Variants in HIF1A observed in about 807,000 individuals in gnomAD.
HIF1A encodes hypoxia inducible factor 1 subunit alpha.
In HIF1A, 24 loss-of-function variants were observed where a neutral mutation model predicts 92.7. That is an observed-to-expected ratio of 0.26 (90% CI 0.19 to 0.36). HIF1A has a LOEUF of 0.36. Ranked by LOEUF, HIF1A falls within the 10% of genes least tolerant of loss-of-function variation. HIF1A has a pLI of 1.00. For missense variants in HIF1A, 799 were observed against 998.5 expected (o/e 0.80, Z 2.69); for synonymous variants, 319 against 338.7 (o/e 0.94, Z 0.64).
intron 1 of HIF1A, among the ~76,000 whole-genome samples, chr14:61,716,140 G>C (rs1271668222): frequency 1.3e-5 from 2 of 152,108 alleles, no homozygotes; most frequent in Non-Finnish European, 2.9e-5. Flanking sequence ...TCACCTATCA[G>C]CTCAGCAGAA....
At chr14:61,744,478 A>G (rs1594889581) in intron 12 of HIF1A, among the ~76,000 whole-genome samples, 1 of 148,034 alleles carries the variant, frequency 6.8e-6, no homozygotes, top group Non-Finnish European at 1.5e-5. Flanking sequence ...ACGTCTCTGC[A>G]CTCCAGCCTG....
chr14:61,699,829 T>C (rs904626921), intron 1 of HIF1A, among the ~76,000 whole-genome samples: 3 of 152,188 alleles, frequency 2.0e-5, no homozygotes, highest in African/African-American at 7.2e-5. Context: ...CAAGCCAAGC[T>C]TCTTGTTGCT....
chr14:61,745,660 A>G lies in HIF1A; in HGVS notation c.2203-31A>G, dbSNP rs776154656. 3 of 1,593,502 alleles carry G rather than the reference A, an allele frequency of 1.9e-6. No individual in the cohort carries two copies. The South Asian group carries it at 3.4e-5, about 18-fold the overall frequency. On this transcript the variant is annotated intron_variant, in intron 13 of 14. Transcript: ENST00000337138. ...GTTGTTTAAAAAAAAAATTCAACAA[A>G]CTAAACTTGAAATAACTTTACTGTT...
intron 14 of HIF1A, among the ~76,000 whole-genome samples, 161 bp downstream of exon 14, chr14:61,745,978 C>CT (rs1173318495): frequency 2.6e-5 from 4 of 152,074 alleles, no homozygotes; most frequent in Non-Finnish European, 4.4e-5. Context: ...AATCCCAGCA[C>CT]TTTGGGAGGC....
In HIF1A at chr14:61,702,390, A is replaced by G. The variant is rs111320402; in HGVS notation, c.35+6551A>G. 5.5e-3 allele frequency among the ~76,000 whole-genome samples: 827 copies of G among 151,394 alleles called. 6 individuals carry two copies. Among genetic ancestry groups the G allele is most frequent in the African/African-American group, 0.017 (714 of 41,246 alleles). On this transcript the variant is annotated intron_variant, in intron 1 of 14. Coordinates refer to ENST00000337138, the MANE Select transcript of HIF1A (RefSeq NM_001530.4). ...GGGAAGCAGAGGTTGCAGTGAGCCA[A>G]GATCGCGCCACTGCACTCCAGCCTG...
At chr14:61,741,235 G>C (rs2044707480) in intron 12 of HIF1A, 47 bp downstream of exon 12, 1 of 1,330,110 alleles carries the variant, frequency 7.5e-7, no homozygotes, top group Admixed American at 2.2e-5. Context: ...TTATTTTTGA[G>C]ATAAATGTAT....
chr14:61,702,847 A>G (rs553991998), intron 1 of HIF1A, among the ~76,000 whole-genome samples: 11 of 152,346 alleles, frequency 7.2e-5, no homozygotes, highest in South Asian at 6.2e-4. Context: ...TTACATCTGT[A>G]TGTTAATAAC....
intron 10 of HIF1A, among the ~76,000 whole-genome samples, chr14:61,738,903 A>C (rs945701766): frequency 2.0e-5 from 3 of 151,896 alleles, no homozygotes; most frequent in African/African-American, 7.3e-5. Context: ...TGCCTGGCTA[A>C]TTTTTTAACC....
chr14:61,702,155 C>A (rs913005153), intron 1 of HIF1A, among the ~76,000 whole-genome samples: 1 of 151,196 alleles, frequency 6.6e-6, no homozygotes, highest in Non-Finnish European at 1.5e-5. Flanking sequence ...CGGCCCGGCA[C>A]GGTGGCTCCT....
chr14:61,740,506 C>A lies in HIF1A; in HGVS notation c.1538C>A (p.Pro513His). ...DGSTRQSSPEPNSPSEYCFYV... is the reference protein window; with the variant it reads ...DGSTRQSSPEHNSPSEYCFYV... ...TAGTAAACATATTTCTTTTTACAGC[C>A]TAATAGTCCCAGTGAATATTGTTTT... Residue 513 changes from proline (P) to histidine (H), a missense_variant and splice_region_variant, in exon 11 of 15, where the codon CCT (proline) becomes CAT (histidine). By Grantham distance (77) the Pro-to-His change is moderately conservative. Transcript: ENST00000337138. 6.4e-7 allele frequency: 1 copy of A among 1,574,700 alleles called. No homozygotes were observed. Among genetic ancestry groups the A allele is most frequent in the Non-Finnish European group, 8.6e-7 (1 of 1,157,996 alleles).
rs748549581 is a variant in HIF1A at position 61,740,889 on chromosome 14, A to G, written c.1794A>G (p.Thr598=). The G allele has an allele frequency of 2.5e-6, 4 of 1,614,114 alleles. No individual in the cohort carries two copies. The highest frequency in any genetic ancestry group is 3.3e-5 in the Admixed American group (2 of 60,002). Residue 598 remains threonine, a synonymous_variant, in exon 12 of 15, where the codon ACA becomes ACG. Coordinates refer to ENST00000337138, the MANE Select transcript of HIF1A (RefSeq NM_001530.4). ...CTGAAAGCGCAAGTCCTCAAAGCACAGTTACAGTATTCCAGCAGACTCAAA... is the reference window on the plus strand; with the variant it reads ...CTGAAAGCGCAAGTCCTCAAAGCACGGTTACAGTATTCCAGCAGACTCAAA... ...ASPESASPQS[T]VTVFQQTQIQ...
At chr14:61,705,090 C>T (rs1410364824) in intron 1 of HIF1A, among the ~76,000 whole-genome samples, 2 of 152,076 alleles carry the variant, frequency 1.3e-5, no homozygotes, top group Non-Finnish European at 2.9e-5. Context: ...TTTTTTATTC[C>T]TGTGTTTCTT....
intron 1 of HIF1A, among the ~76,000 whole-genome samples, chr14:61,715,007 C>G (rs1297738287): frequency 6.6e-6 from 1 of 151,952 alleles, no homozygotes; most frequent in Non-Finnish European, 1.5e-5. Flanking sequence ...GCACTCCAGT[C>G]TGGGCAACAA....
chr14:61,744,515 CAAAA>C (rs35092820), intron 12 of HIF1A, among the ~76,000 whole-genome samples, 186 bp from the exon 13 acceptor site: 2 of 130,830 alleles, frequency 1.5e-5, no homozygotes, highest in African/African-American at 5.9e-5. Context: ...CGTGTTTCAC[CAAAA>C]AAAAAAAAAA....
At position 61,732,445 on chromosome 14, in the gene HIF1A, A is replaced by C; in HGVS notation, c.801A>C (p.Pro267=). 1 of 1,610,322 alleles carries C rather than the reference A, an allele frequency of 6.2e-7. No homozygotes were observed. Among genetic ancestry groups the C allele is most frequent in the Non-Finnish European group, 8.5e-7 (1 of 1,176,836 alleles). Residue 267 remains proline, a synonymous_variant, in exon 7 of 15, where the codon CCA becomes CCC. Coordinates refer to ENST00000337138, the MANE Select transcript of HIF1A (RefSeq NM_001530.4). ...TTACCGAATTGATGGGATATGAGCCAGAAGAACTTTTAGGCCGCTCAATTT... is the reference window on the plus strand; with the variant it reads ...TTACCGAATTGATGGGATATGAGCCCGAAGAACTTTTAGGCCGCTCAATTT... ...ERITELMGYE[P]EELLGRSIYE...
intron 1 of HIF1A, among the ~76,000 whole-genome samples, chr14:61,714,881 A>G (rs2044345621): frequency 6.6e-6 from 1 of 152,126 alleles, no homozygotes; most frequent in African/African-American, 2.4e-5. Context: ...TAAGAATACA[A>G]AAATTAGCTG....
intron 1 of HIF1A, among the ~76,000 whole-genome samples, chr14:61,702,034 G>T (rs1191782814): frequency 2.6e-5 from 4 of 152,050 alleles, no homozygotes; most frequent in Non-Finnish European, 5.9e-5. Context: ...GGTACGTGGT[G>T]TACACAGTGA....
chr14:61,746,392 C>CTTTTTTT (rs754879947), intron 14 of HIF1A, among the ~76,000 whole-genome samples: 16 of 49,480 alleles, frequency 3.2e-4, no homozygotes, highest in African/African-American at 6.0e-4. Context: ...TTTATGACTT[C>CTTTTTTT]TTTTTTTTTT....
intron 1 of HIF1A, chr14:61,697,720 G>A: frequency 7.8e-7 from 1 of 1,284,552 alleles, no homozygotes; most frequent in East Asian, 3.0e-5. Context: ...TTAATAAGTG[G>A]TGGTTACTCA....
Sources: gnomAD v4.1 joint callset for allele counts (sites outside exome capture counted in the v4.1 genomes callset) on GRCh38, gnomAD v4.1.1 for gene constraint, MANE v1.5 for transcripts, NCBI Gene and HGNC (gene_info 2026-07-23, HGNC 2026-07-21) for gene names.